Variants in KAZN observed in about 807,000 individuals in gnomAD.
The protein encoded by KAZN is kazrin.
KAZN carries 40 observed loss-of-function variants against 87.4 expected under a neutral mutation model. The observed-to-expected ratio is 0.46, with a 90% CI of 0.36 to 0.60. The LOEUF is 0.60. Ranked by LOEUF, KAZN falls within the 20% of genes least tolerant of loss-of-function variation. The pLI is 0.00. For missense variants in KAZN, 898 were observed against 1,073.9 expected, an observed-to-expected ratio of 0.84 and a Z score of 2.29; for synonymous variants, 466 against 458.3, an observed-to-expected ratio of 1.02 and a Z score of -0.22.
intron 1 of KAZN, among the ~76,000 whole-genome samples, chr1:14,672,454 A>G (rs1013037937): frequency 2.0e-5 from 3 of 152,200 alleles, no homozygotes; most frequent in African/African-American, 7.2e-5. Context: ...CAATTCCATA[A>G]CAGTCTGGCT....
At chr1:14,784,480 C>T (rs528492782) in intron 1 of KAZN, among the ~76,000 whole-genome samples, 7 of 152,206 alleles carry the variant, frequency 4.6e-5, no homozygotes, top group South Asian at 2.1e-4. Flanking sequence ...ACTCAAGGGC[C>T]GGGCATGGCA....
chr1:14,597,090 C>T (rs607166), upstream of KAZN, among the ~76,000 whole-genome samples: 5 of 152,164 alleles, frequency 3.3e-5, no homozygotes, highest in Non-Finnish European at 5.9e-5. Context: ...CTCCCCATAA[C>T]GTAACTGAAA....
chr1:14,778,742 G>A (rs747373561), intron 1 of KAZN, among the ~76,000 whole-genome samples: 2 of 152,012 alleles, frequency 1.3e-5, no homozygotes, highest in Non-Finnish European at 2.9e-5. Flanking sequence ...ACTCTGCTTG[G>A]TAACAACCCC....
intron 1 of KAZN, among the ~76,000 whole-genome samples, chr1:13,968,995 A>G (rs1329219143): frequency 2.0e-5 from 3 of 152,210 alleles, no homozygotes; most frequent in Admixed American, 6.5e-5. Context: ...GTCTAAAATG[A>G]GACACTTTAT....
intron 1 of KAZN, among the ~76,000 whole-genome samples, chr1:14,744,550 A>G (rs1223516157): frequency 6.6e-6 from 1 of 151,994 alleles, no homozygotes; most frequent in Non-Finnish European, 1.5e-5. Context: ...GCAACATAGC[A>G]AGATCCTGGT....
chr1:14,760,245 C>T (rs1256884876), intron 1 of KAZN, among the ~76,000 whole-genome samples: 2 of 152,148 alleles, frequency 1.3e-5, no homozygotes, highest in Admixed American at 6.5e-5. Flanking sequence ...CCCAAATCCT[C>T]GTCTCAGGCT....
intron 1 of KAZN, among the ~76,000 whole-genome samples, chr1:14,842,032 C>A (rs1199304960): frequency 1.3e-5 from 2 of 152,174 alleles, no homozygotes; most frequent in African/African-American, 4.8e-5. Context: ...ATCAGTGAGT[C>A]CTTCCCTAAC....
intron 12 of KAZN, among the ~76,000 whole-genome samples, chr1:15,103,724 G>T (rs1481841214): frequency 6.6e-6 from 1 of 152,142 alleles, no homozygotes; most frequent in Non-Finnish European, 1.5e-5. Context: ...ATGATGCTTT[G>T]CTCACATGGG....
chr1:14,037,670 CACAGTA>C (rs1641618314), intron 1 of KAZN, among the ~76,000 whole-genome samples: 2 of 152,178 alleles, frequency 1.3e-5, no homozygotes, highest in African/African-American at 4.8e-5. Flanking sequence ...GTCAGCATGT[CACAGTA>C]AATTTGGCTT....
At chr1:14,959,143 G>C (rs74063103) in intron 1 of KAZN, among the ~76,000 whole-genome samples, 4 of 152,312 alleles carry the variant, frequency 2.6e-5, no homozygotes, top group African/African-American at 9.6e-5. Context: ...CTGAGCTTCC[G>C]CCATAGCAGT....
In KAZN at chr1:15,114,737, G is replaced by A; in HGVS notation, c.*102G>A. 1 of 1,217,162 alleles carries A rather than the reference G, an allele frequency of 8.2e-7. No individual in the cohort carries two copies. Among genetic ancestry groups the A allele is most frequent in the Non-Finnish European group, 1.1e-6 (1 of 883,926 alleles). The allele number at this position is 1,217,162 out of a possible 1,614,324, so 75.4% of individuals were successfully genotyped here. A position where few individuals can be genotyped will look rare whatever the true frequency, so the allele number is the denominator to read the frequency against. On this transcript the variant is annotated 3_prime_UTR_variant, in exon 15 of 15. Coordinates refer to ENST00000376030, the MANE Select transcript of KAZN (RefSeq NM_201628.3). ...TCACTGTACATAGCGGCCGCAGGCT[G>A]AGGATGTCCCTTGCTCCTGGGCAAA...
At chr1:13,940,159 G>A (rs1265239374) in intron 1 of KAZN, among the ~76,000 whole-genome samples, 3 of 152,132 alleles carry the variant, frequency 2.0e-5, no homozygotes, top group Non-Finnish European at 4.4e-5. Context: ...GAATGAGTTA[G>A]GAGGATTCCC....
At chr1:13,991,673 CAAGT>C (rs1181944793) in intron 1 of KAZN, among the ~76,000 whole-genome samples, 1 of 152,008 alleles carries the variant, frequency 6.6e-6, no homozygotes, top group Non-Finnish European at 1.5e-5. Context: ...AATTCTGGAA[CAAGT>C]AATAATTGTA....
At chr1:14,234,450 T>C (rs1199012072) in intron 2 of KAZN, among the ~76,000 whole-genome samples, 1 of 152,160 alleles carries the variant, frequency 6.6e-6, no homozygotes, top group Non-Finnish European at 1.5e-5. Context: ...AAATACCTAA[T>C]GTAGATGACA....
chr1:14,365,282 C>T (rs1240327642), intron 2 of KAZN, among the ~76,000 whole-genome samples: 1 of 151,798 alleles, frequency 6.6e-6, no homozygotes, highest in Non-Finnish European at 1.5e-5. Flanking sequence ...CTCCTGACCT[C>T]ATGATCCGCC....
chr1:14,197,349 C>T (rs917442276), intron 2 of KAZN, among the ~76,000 whole-genome samples: 1 of 131,458 alleles, frequency 7.6e-6, no homozygotes, highest in Non-Finnish European at 1.6e-5. Context: ...GAGAAAGAAC[C>T]AATTAGAGAT....
chr1:14,990,441 C>T (rs1280016532), intron 2 of KAZN, among the ~76,000 whole-genome samples: 1 of 152,186 alleles, frequency 6.6e-6, no homozygotes, highest in Non-Finnish European at 1.5e-5. Flanking sequence ...CCAGGCTAGT[C>T]TTTAACTCCT....
At position 14,371,335 on chromosome 1, in the gene KAZN, A is replaced by G. The variant is rs186903360; in HGVS notation, c.249+190743A>G. 2.4e-3 allele frequency among the ~76,000 whole-genome samples: 366 copies of G among 152,284 alleles called. 3 individuals carry two copies. The highest frequency in any genetic ancestry group is 3.8e-3 in the Non-Finnish European group (258 of 68,028). On this transcript the variant is annotated intron_variant, in intron 2 of 16. Transcript: ENST00000636203. ...TTGAGTTCTTCACTGTGGTATTGAG[A>G]TATTAACTACATGCTTAATCCCCTC...
chr1:14,831,793 C>T (rs991457077), intron 1 of KAZN, among the ~76,000 whole-genome samples: 3 of 152,088 alleles, frequency 2.0e-5, no homozygotes, highest in African/African-American at 7.2e-5. Context: ...TCCTTCATTG[C>T]CTCCTCCAGC....
Sources: gnomAD v4.1 joint callset for allele counts (sites outside exome capture counted in the v4.1 genomes callset) on GRCh38, gnomAD v4.1.1 for gene constraint, MANE v1.5 for transcripts, NCBI Gene and HGNC (gene_info 2026-07-23, HGNC 2026-07-21) for gene names.